The following SUGCT variants were observed in gnomAD, a reference collection of about 807,000 sequenced individuals.
SUGCT encodes succinyl-CoA:glutarate CoA-transferase.
SUGCT carries 41 observed loss-of-function variants against 55.0 expected under a neutral mutation model. That is an observed-to-expected ratio of 0.74 (90% CI 0.58 to 0.97). SUGCT has a LOEUF of 0.97. SUGCT is among the 50% of genes least tolerant of loss of function. The pLI is 0.00. For missense variants in SUGCT, 568 were observed against 547.8 expected, an observed-to-expected ratio of 1.04 and a Z score of -0.37; for synonymous variants, 187 against 200.4, an observed-to-expected ratio of 0.93 and a Z score of 0.56.
At chr7:40,410,467 C>T (rs1562756552) in intron 9 of SUGCT, among the ~76,000 whole-genome samples, 1 of 152,082 alleles carries the variant, frequency 6.6e-6, no homozygotes, top group Admixed American at 6.5e-5. Flanking sequence ...CTACCTCAGC[C>T]ACTATTTTTA....
intron 9 of SUGCT, among the ~76,000 whole-genome samples, chr7:40,377,278 T>C (rs990016928): frequency 4.3e-5 from 6 of 140,232 alleles, no homozygotes; most frequent in African/African-American, 1.3e-4. Context: ...AGTCTCACTC[T>C]ATTGCCCAGG....
intron 1 of SUGCT, among the ~76,000 whole-genome samples, chr7:40,146,176 C>T (rs1202493547): frequency 6.7e-6 from 1 of 149,032 alleles, no homozygotes; most frequent in Non-Finnish European, 1.5e-5. Context: ...AGTTATTTTT[C>T]TACTTTCTTC....
chr7:40,366,089 G>T (rs1240180969), intron 9 of SUGCT, among the ~76,000 whole-genome samples: 2 of 152,126 alleles, frequency 1.3e-5, no homozygotes, highest in East Asian at 3.9e-4. Flanking sequence ...GAACAGAACA[G>T]AGCCCTCAGA....
At chr7:40,408,024 T>G (rs1182956701) in intron 9 of SUGCT, among the ~76,000 whole-genome samples, 1 of 152,200 alleles carries the variant, frequency 6.6e-6, no homozygotes, top group African/African-American at 2.4e-5. Flanking sequence ...TGTACTTTTC[T>G]GTAGTCTTTT....
At chr7:40,561,648 C>T (rs907819186) in intron 12 of SUGCT, among the ~76,000 whole-genome samples, 1 of 149,784 alleles carries the variant, frequency 6.7e-6, no homozygotes, top group Non-Finnish European at 1.5e-5. Flanking sequence ...GGGAGGGGTT[C>T]ACGGATGATT....
At chr7:40,375,655 T>G (rs1191274685) in intron 9 of SUGCT, among the ~76,000 whole-genome samples, 1 of 152,222 alleles carries the variant, frequency 6.6e-6, no homozygotes. Context: ...AAGAAGTTCC[T>G]TCTACCTTTA....
At chr7:40,925,508 G>A in the SUGCT span, among the ~76,000 whole-genome samples, 4 of 152,094 alleles carry the variant, frequency 2.6e-5, no homozygotes, top group Admixed American at 6.6e-5. Context: ...TGAGATATTA[G>A]CTCTATTTAA....
intron 1 of SUGCT, among the ~76,000 whole-genome samples, chr7:40,179,661 G>A (rs914466032): frequency 6.6e-6 from 1 of 152,218 alleles, no homozygotes; most frequent in Non-Finnish European, 1.5e-5. Context: ...CTCGGCCTGG[G>A]TGTTCCAAGA....
At chr7:40,714,643 G>T (rs922874185) in intron 12 of SUGCT, among the ~76,000 whole-genome samples, 1 of 152,082 alleles carries the variant, frequency 6.6e-6, no homozygotes, top group African/African-American at 2.4e-5. Flanking sequence ...TTACATAACT[G>T]CATAGGTCTT....
intron 12 of SUGCT, among the ~76,000 whole-genome samples, chr7:40,734,154 A>T (rs1787039092): frequency 6.6e-6 from 1 of 152,220 alleles, no homozygotes; most frequent in South Asian, 2.1e-4. Context: ...GATTACTTGC[A>T]TCTTACTATA....
intron 13 of SUGCT, among the ~76,000 whole-genome samples, chr7:40,847,823 TA>T (rs958765413): frequency 1.3e-5 from 2 of 151,336 alleles, no homozygotes; most frequent in Non-Finnish European, 2.9e-5. Flanking sequence ...TAAAGGAAAG[TA>T]AAAAAAAATC....
chr7:40,324,547 C>T (rs73135058), intron 9 of SUGCT, among the ~76,000 whole-genome samples: 4,401 of 152,194 alleles, frequency 0.029, 92 homozygotes, highest in Middle Eastern at 0.051. Flanking sequence ...TGAGCCACCA[C>T]GCCCAGCCAG....
the SUGCT span, chr7:40,966,882 A>G: frequency 6.6e-6 from 1 of 152,242 alleles, no homozygotes; most frequent in African/African-American, 2.4e-5. Flanking sequence ...AGAAACAGAG[A>G]AAAGGAAATA....
the SUGCT span, among the ~76,000 whole-genome samples, chr7:41,021,780 A>G: frequency 1.3e-5 from 2 of 152,206 alleles, no homozygotes; most frequent in African/African-American, 4.8e-5. Flanking sequence ...CAAAATACAT[A>G]GAGTGTCTTT....
At chr7:40,957,573 C>A in the SUGCT span, among the ~76,000 whole-genome samples, 1 of 150,536 alleles carries the variant, frequency 6.6e-6, no homozygotes, top group Non-Finnish European at 1.5e-5. Flanking sequence ...ATACAGCACA[C>A]TGATGGGTCT....
At chr7:40,244,714 A>T (rs955173203) in intron 7 of SUGCT, among the ~76,000 whole-genome samples, 7 of 152,228 alleles carry the variant, frequency 4.6e-5, no homozygotes, top group Admixed American at 1.3e-4. Flanking sequence ...GCACCGTATT[A>T]TTCTTAGTTT....
intron 12 of SUGCT, among the ~76,000 whole-genome samples, chr7:40,615,540 A>AC (rs1204342051): frequency 3.9e-5 from 6 of 152,196 alleles, no homozygotes; most frequent in Non-Finnish European, 8.8e-5. Flanking sequence ...AATACAGATC[A>AC]CCATGCCTCT....
intron 12 of SUGCT, among the ~76,000 whole-genome samples, chr7:40,646,579 T>G (rs991778127): frequency 6.6e-6 from 1 of 152,316 alleles, no homozygotes; most frequent in South Asian, 2.1e-4. Context: ...AGTGCTTTCC[T>G]GTTCAGGACC....
intron 9 of SUGCT, among the ~76,000 whole-genome samples, chr7:40,322,468 T>C (rs895793983): frequency 3.3e-5 from 5 of 152,186 alleles, no homozygotes; most frequent in South Asian, 2.1e-4. Context: ...GAGGATCTAA[T>C]AGAAGCCCAC....
Sources: allele counts gnomAD v4.1 joint callset (sites outside exome capture counted in the v4.1 genomes callset), GRCh38; gene constraint gnomAD v4.1.1; transcripts MANE v1.5; gene names NCBI Gene and HGNC (gene_info 2026-07-23, HGNC 2026-07-21).